Variants in UBASH3B observed in about 807,000 individuals in gnomAD.
UBASH3B encodes ubiquitin associated and SH3 domain containing B.
UBASH3B carries 37 observed loss-of-function variants against 83.4 expected under a neutral mutation model. The ratio of observed to expected loss-of-function variants is 0.44; its 90% CI spans 0.34 to 0.58. The LOEUF (loss-of-function observed/expected upper bound fraction) is 0.58. Ranked by LOEUF, UBASH3B falls within the 20% of genes least tolerant of loss-of-function variation. UBASH3B has a pLI of 0.01. For missense variants in UBASH3B, 657 were observed against 827.2 expected, an observed-to-expected ratio of 0.79 and a Z score of 2.52; for synonymous variants, 304 against 318.3, an observed-to-expected ratio of 0.96 and a Z score of 0.48.
intron 6 of UBASH3B, among the ~76,000 whole-genome samples, chr11:122,791,049 T>C (rs989064716): frequency 2.4e-4 from 36 of 152,254 alleles, no homozygotes; most frequent in African/African-American, 8.2e-4. Flanking sequence ...CTCAGGCCGA[T>C]GTATAGGTGA....
chr11:122,797,498 A>C (rs1861177309), intron 9 of UBASH3B, among the ~76,000 whole-genome samples: 1 of 152,222 alleles, frequency 6.6e-6, no homozygotes, highest in Admixed American at 6.5e-5. Context: ...GTCACTTAGC[A>C]GATATTTAGT....
intron 11 of UBASH3B, among the ~76,000 whole-genome samples, chr11:122,805,115 T>C (rs1318279361): frequency 2.0e-5 from 3 of 152,210 alleles, no homozygotes; most frequent in Admixed American, 2.0e-4. Flanking sequence ...ACTGGACTTA[T>C]AGTTACATGT....
At position 122,779,580 on chromosome 11, in the gene UBASH3B, G is replaced by C; in HGVS notation, c.486G>C (p.Leu162=). ...GGAAATGTAAGTTCTCGGCCCCGCT[G>C]CCCCTGGAGCTCTATACGTCGTCCA... The part of the protein sequence containing the change: ...SRWKCKFSAP[L]PLELYTSSNF... The change falls in exon 4 of 14, where the codon CTG becomes CTC. Residue 162 remains leucine, a synonymous_variant. Coordinates refer to ENST00000284273, the MANE Select transcript of UBASH3B (RefSeq NM_032873.5). 6.2e-7 allele frequency: 1 copy of C among 1,614,180 alleles called. No individual in the cohort carries two copies. Among genetic ancestry groups the C allele is most frequent in the Non-Finnish European group, 8.5e-7 (1 of 1,180,030 alleles).
At chr11:122,764,573 T>A (rs1279259604) in intron 1 of UBASH3B, among the ~76,000 whole-genome samples, 5 of 152,196 alleles carry the variant, frequency 3.3e-5, no homozygotes, top group African/African-American at 4.8e-5. Flanking sequence ...TCTTAGCTAT[T>A]CCCCCAAGGC....
At chr11:122,675,009 A>G (rs1863649672) in intron 1 of UBASH3B, among the ~76,000 whole-genome samples, 1 of 152,182 alleles carries the variant, frequency 6.6e-6, no homozygotes. Context: ...GATTACAGGC[A>G]TAAGCCACCG....
At chr11:122,707,143 C>G (rs1238943702) in intron 1 of UBASH3B, among the ~76,000 whole-genome samples, 2 of 152,158 alleles carry the variant, frequency 1.3e-5, no homozygotes, top group African/African-American at 4.8e-5. Context: ...TAAATCCACA[C>G]AATCCACCCC....
At chr11:122,664,700 T>C (rs10790519) in intron 1 of UBASH3B, among the ~76,000 whole-genome samples, 59,048 of 152,092 alleles carry the variant, frequency 0.39, 11,660 homozygotes, top group African/African-American at 0.42. Flanking sequence ...TCTTTGCCAC[T>C]TACTATCTAT....
intron 11 of UBASH3B, among the ~76,000 whole-genome samples, chr11:122,801,677 A>T (rs1411537449): frequency 2.6e-5 from 4 of 152,184 alleles, no homozygotes; most frequent in Non-Finnish European, 5.9e-5. Flanking sequence ...GGAGATGATG[A>T]TGTCTTGTCT....
chr11:122,719,813 C>A (rs114649846), intron 1 of UBASH3B, among the ~76,000 whole-genome samples: 1,938 of 152,282 alleles, frequency 0.013, 39 homozygotes, highest in South Asian at 0.079. Context: ...CTAATGGCCA[C>A]AGTAGTGCCA....
chr11:122,669,449 C>G (rs894102374), intron 1 of UBASH3B, among the ~76,000 whole-genome samples: 11 of 152,216 alleles, frequency 7.2e-5, no homozygotes, highest in African/African-American at 2.7e-4. Context: ...AGCTCAAGCT[C>G]CTCAGCTGAA....
chr11:122,796,765 C>T, intron 8 of UBASH3B, 146 bp from the exon 9 acceptor site: 1 of 1,046,380 alleles, frequency 9.6e-7, no homozygotes, highest in Non-Finnish European at 1.4e-6. Flanking sequence ...AAAATGTCAG[C>T]CTTGATATTT....
In UBASH3B at chr11:122,806,549, A is replaced by T; in HGVS notation, c.1702+33A>T. ...GTATTATTCTGAACTCCATCTGTAC[A>T]TACGTGATTATTTCTCTATAATGGT... On this transcript the variant is annotated intron_variant, in intron 12 of 13. Transcript: ENST00000284273. The surrounding 1 kb of genome is among the most constrained non-coding windows in gnomAD (Gnocchi z 4.0). The T allele has an allele frequency of 6.5e-7, 1 of 1,536,328 alleles. No homozygotes were observed. Among genetic ancestry groups the T allele is most frequent in the Non-Finnish European group, 8.7e-7 (1 of 1,150,480 alleles).
intron 6 of UBASH3B, among the ~76,000 whole-genome samples, chr11:122,792,007 G>A (rs904446213): frequency 6.6e-6 from 1 of 152,158 alleles, no homozygotes. Flanking sequence ...TGTCAGGCCC[G>A]GCTTCCTCCC....
intron 1 of UBASH3B, among the ~76,000 whole-genome samples, chr11:122,705,351 C>T (rs1343461443): frequency 2.0e-5 from 3 of 151,248 alleles, no homozygotes; most frequent in African/African-American, 7.3e-5. Context: ...GAGGCTGAGG[C>T]AGGAGAATCG....
intron 1 of UBASH3B, among the ~76,000 whole-genome samples, chr11:122,736,295 C>T (rs917527997): frequency 2.0e-5 from 3 of 152,012 alleles, no homozygotes; most frequent in African/African-American, 7.2e-5. Context: ...AACTGTGTAA[C>T]TCATCCCTAG....
At chr11:122,719,201 G>A (rs984838762) in intron 1 of UBASH3B, among the ~76,000 whole-genome samples, 11 of 152,122 alleles carry the variant, frequency 7.2e-5, no homozygotes, top group East Asian at 1.9e-4. Context: ...AAGACCACGC[G>A]GCTAATAATT....
intron 5 of UBASH3B, 95 bp downstream of exon 5, chr11:122,783,317 A>G (rs1860890859): frequency 7.2e-7 from 1 of 1,398,294 alleles, no homozygotes; most frequent in Non-Finnish European, 9.7e-7. Flanking sequence ...CCTACAGGGG[A>G]AAAATGGAGC....
At chr11:122,722,587 T>C (rs1032396958) in intron 1 of UBASH3B, among the ~76,000 whole-genome samples, 2 of 152,200 alleles carry the variant, frequency 1.3e-5, no homozygotes, top group Non-Finnish European at 2.9e-5. Flanking sequence ...TCCAGCTTGG[T>C]AGAAAATTGG....
rs551501057 is a variant in UBASH3B, at chr11:122,763,243, A to G, written c.162-12976A>G. On this transcript the variant is annotated intron_variant, in intron 1 of 13. Coordinates refer to ENST00000284273, the MANE Select transcript of UBASH3B (RefSeq NM_032873.5). ...CTTATTATGTCACCACCCATGGTCT[A>G]ATGGCTGGTTTCCCAATTACAAACT... Among the ~76,000 whole-genome samples the G allele has an allele frequency of 6.6e-5, 10 of 152,340 alleles. No individual in the cohort carries two copies. The East Asian group carries it at 1.5e-3, about 24-fold the overall frequency.
Sources: allele counts gnomAD v4.1 joint callset (sites outside exome capture counted in the v4.1 genomes callset), GRCh38; gene constraint gnomAD v4.1.1; non-coding constraint Gnocchi (gnomAD v3.1); transcripts MANE v1.5; gene names NCBI Gene and HGNC (gene_info 2026-07-23, HGNC 2026-07-21).